TOR1B: variants seen among roughly 807,000 people sequenced by gnomAD.
TOR1B encodes torsin family 1 member B.
TOR1B carries 14 observed loss-of-function variants against 29.2 expected under a neutral mutation model. The observed-to-expected ratio is 0.48, with a 90% CI of 0.32 to 0.75. The LOEUF (loss-of-function observed/expected upper bound fraction) is 0.75. Among genes scored for constraint, TOR1B ranks in the 30% least tolerant of loss-of-function variants. The probability of loss-of-function intolerance (pLI) is 0.04; values close to 1 mark genes in which losing one functional copy is unlikely to be tolerated. For synonymous variants in TOR1B, 166 were observed against 179.8 expected, an observed-to-expected ratio of 0.92 and a Z score of 0.62; for missense variants, 400 against 433.9, an observed-to-expected ratio of 0.92 and a Z score of 0.69.
chr9:129,807,127 C>T lies in TOR1B; in HGVS notation c.466-61C>T, dbSNP rs1243787651. 8.7e-5 allele frequency: 135 copies of T among 1,550,830 alleles called. No individual in the cohort carries two copies. In the East Asian group the frequency reaches 1.8e-3, roughly 20 times the overall value. ...GTGCATGAGGAGCAGATGGAGCCTG[C>T]GCGCCTCTTGGTGCACCCTTTGAGC... On this transcript the variant is annotated intron_variant, in intron 2 of 4. Coordinates refer to ENST00000259339, the MANE Select transcript of TOR1B (RefSeq NM_014506.3).
chr9:129,807,213 G>A lies in TOR1B; in HGVS notation c.491G>A (p.Gly164Asp). The A allele has an allele frequency of 6.2e-7, 1 of 1,614,118 alleles. No homozygotes were observed. The highest frequency in any genetic ancestry group is 8.5e-7 in the Non-Finnish European group (1 of 1,180,030). ...YQDQLQKWIR[G>D]NVSACANSVF... is the part of the protein sequence containing the mutation. ...GACCAGTTACAGAAGTGGATCCGCG[G>A]TAATGTGAGTGCATGTGCGAACTCT... The change falls in exon 3 of 5, where the codon GGT becomes GAT. Residue 164 changes from glycine (G) to aspartate (D), a missense_variant. Transcript: ENST00000259339.
intron 2 of TOR1B, among the ~76,000 whole-genome samples, chr9:129,804,920 C>G (rs1219093560): frequency 6.7e-6 from 1 of 150,042 alleles, no homozygotes; most frequent in East Asian, 2.0e-4. Context: ...GGGCGGATCA[C>G]GAGGTCAGGA....
intron 2 of TOR1B, among the ~76,000 whole-genome samples, chr9:129,806,247 G>A (rs536138974): frequency 1.3e-4 from 20 of 152,290 alleles, no homozygotes; most frequent in African/African-American, 4.6e-4. Flanking sequence ...CTGCTAAAAA[G>A]GAAGGAAGGA....
intron 2 of TOR1B, among the ~76,000 whole-genome samples, chr9:129,804,778 C>G (rs2030373695): frequency 7.1e-6 from 1 of 141,358 alleles, no homozygotes; most frequent in Non-Finnish European, 1.5e-5. Context: ...AGGAGAATCG[C>G]TTGAACCTGG....
chr9:129,803,304 G>T lies in TOR1B; in HGVS notation c.92G>T (p.Gly31Val). The T allele has an allele frequency of 6.3e-7, 1 of 1,588,916 alleles. No homozygotes were observed. Among genetic ancestry groups the T allele is most frequent in the African/African-American group, 1.4e-5 (1 of 72,078 alleles). ...GCGGCGTTCGAGCCCATCACCGTGGGCCTAGCCATCGGGGCCGCGTCGGCC... is the reference window on the plus strand; with the variant it reads ...GCGGCGTTCGAGCCCATCACCGTGGTCCTAGCCATCGGGGCCGCGTCGGCC... The part of the protein sequence containing the change: ...VVAAFEPITV[G>V]LAIGAASAIT... Residue 31 changes from glycine to valine, a missense_variant, in exon 1 of 5, where the codon GGC becomes GTC. Coordinates refer to ENST00000259339, the MANE Select transcript of TOR1B (RefSeq NM_014506.3).
At position 129,808,963 on chromosome 9, in the gene TOR1B, A is replaced by G. The variant is rs1026673970; in HGVS notation, c.700A>G (p.Lys234Glu). The G allele has an allele frequency of 1.9e-6, 3 of 1,613,988 alleles. No individual in the cohort carries two copies. The highest frequency in any genetic ancestry group is 2.5e-6 in the Non-Finnish European group (3 of 1,180,022). ...TCTTGACTTTTGGCGGGCCGGAAGAAAGAGGGAAGACATTCAGCTGAAGGA... is the reference window on the plus strand; with the variant it reads ...TCTTGACTTTTGGCGGGCCGGAAGAGAGAGGGAAGACATTCAGCTGAAGGA... The part of the protein sequence containing the change: ...TALDFWRAGR[K>E]REDIQLKDLE... Residue 234 changes from lysine to glutamate, a missense_variant, in exon 4 of 5, where the codon AAG becomes GAG. Transcript: ENST00000259339.
chr9:129,803,254 G>C lies in TOR1B; in HGVS notation c.42G>C (p.Ala14=). 1 of 1,553,702 alleles carries C rather than the reference G, an allele frequency of 6.4e-7. No individual in the cohort carries two copies. The highest frequency in any genetic ancestry group is 8.6e-7 in the Non-Finnish European group (1 of 1,156,394). Residue 14 remains alanine (A), a synonymous_variant, in exon 1 of 5, where the codon GCG becomes GCC. Coordinates refer to ENST00000259339, the MANE Select transcript of TOR1B (RefSeq NM_014506.3). The stretch of plus-strand genomic sequence containing the variant: ...GGCTCCGGGGCGCGGCGGCGCTGGC[G>C]CTGCTGCTGGCGGCCCGAGTGGTGG... ...AGWLRGAAAL[A]LLLAARVVAA... is the part of the protein sequence containing the mutation.
Position 129,810,464 on chromosome 9 carries a change from G to A in TOR1B, c.*881G>A, listed in dbSNP as rs764154660. 4.4e-5 allele frequency: 51 copies of A among 1,158,228 alleles called. No homozygotes were observed. Among genetic ancestry groups the A allele is most frequent in the Non-Finnish European group, 3.9e-5 (36 of 917,636 alleles). The allele number at this position is 1,158,228 out of a possible 1,614,324, so 71.7% of individuals were successfully genotyped here. A position where few individuals can be genotyped will look rare whatever the true frequency, so the allele number is the denominator to read the frequency against. On this transcript the variant is annotated 3_prime_UTR_variant, in exon 5 of 5. Coordinates refer to ENST00000259339, the MANE Select transcript of TOR1B (RefSeq NM_014506.3). ...AGCCCTGGCTGTGGAATCCTTCACC[G>A]TCTCAGCTGGTATCAGCCCCAGCCT...
Position 129,809,893 on chromosome 9 carries a change from T to G in TOR1B, c.*310T>G. On this transcript the variant is annotated 3_prime_UTR_variant, in exon 5 of 5. Transcript: ENST00000259339. Reference sequence around the variant, plus strand: ...GGATATAGAATCTAAGAGTTGATTGTGGAAAACACGTGAATCTATTGCGCG... The same window carrying G: ...GGATATAGAATCTAAGAGTTGATTGGGGAAAACACGTGAATCTATTGCGCG... 7.9e-7 allele frequency: 1 copy of G among 1,258,210 alleles called. No homozygotes were observed. Among genetic ancestry groups the G allele is most frequent in the Non-Finnish European group, 1.0e-6 (1 of 989,038 alleles). The allele number at this position is 1,258,210 out of a possible 1,614,324, so 77.9% of individuals were successfully genotyped here. A position where few individuals can be genotyped will look rare whatever the true frequency, so the allele number is the denominator to read the frequency against.
chr9:129,810,071 C>T lies in TOR1B; in HGVS notation c.*488C>T. 4.0e-6 allele frequency: 5 copies of T among 1,249,012 alleles called. No individual in the cohort carries two copies. Among genetic ancestry groups the T allele is most frequent in the Non-Finnish European group, 5.2e-6 (5 of 956,106 alleles). 77.4% of individuals were successfully genotyped at this position (1,249,012 alleles called of 1,614,324 possible). On this transcript the variant is annotated 3_prime_UTR_variant, in exon 5 of 5. Transcript: ENST00000259339. The stretch of plus-strand genomic sequence containing the variant: ...AGGCCCGGCAATAGCTTCTGACCCA[C>T]AGCACCCGCGCCTCAGAAGCTACGG...
At chr9:129,807,134 C>T in intron 2 of TOR1B, 54 bp from the exon 3 acceptor site, 2 of 1,589,054 alleles carry the variant, frequency 1.3e-6, no homozygotes, top group Non-Finnish European at 8.6e-7. Flanking sequence ...CTGCGCGCCT[C>T]TTGGTGCACC....
chr9:129,807,600 C>T (rs1475629409), intron 3 of TOR1B, among the ~76,000 whole-genome samples: 1 of 152,136 alleles, frequency 6.6e-6, no homozygotes, highest in East Asian at 1.9e-4. Context: ...CACCTGTAAT[C>T]CCAGCACTTT....
At position 129,808,980 on chromosome 9, in the gene TOR1B, G is replaced by T. The variant is rs552926410; in HGVS notation, c.717G>T (p.Gln239His). 6.2e-6 allele frequency: 10 copies of T among 1,614,016 alleles called. No individual in the cohort carries two copies. The African/African-American group carries it at 1.2e-4, about 19-fold the overall frequency. The change falls in exon 4 of 5, where the codon CAG (glutamine) becomes CAT (histidine). Residue 239 changes from glutamine (Q) to histidine (H), a missense_variant. Physicochemically the swap from Gln to His is conservative, Grantham distance 24. Coordinates refer to ENST00000259339, the MANE Select transcript of TOR1B (RefSeq NM_014506.3). ...WRAGRKREDI[Q>H]LKDLEPVLSV... ...CCGGAAGAAAGAGGGAAGACATTCAGCTGAAGGACCTGGAACCTGTACTGT... is the reference window on the plus strand; with the variant it reads ...CCGGAAGAAAGAGGGAAGACATTCATCTGAAGGACCTGGAACCTGTACTGT...
rs2030840069 is a variant in TOR1B at position 129,811,063 on chromosome 9, AC to A, written c.*1481del. ...GACACAACAACGTGCAGCATTTTTTACATAAAAATATGGTAGAATTAATTTA... is the reference window on the plus strand; with the variant it reads ...GACACAACAACGTGCAGCATTTTTTAATAAAAATATGGTAGAATTAATTTA... On this transcript the variant is annotated 3_prime_UTR_variant, in exon 5 of 5. Transcript: ENST00000259339. 1 of 152,216 alleles carries A rather than the reference AC, an allele frequency of 6.6e-6. No homozygotes were observed. Among genetic ancestry groups the A allele is most frequent in the African/African-American group, 2.4e-5 (1 of 41,456 alleles). 9.4% of individuals were successfully genotyped at this position (152,216 alleles called of 1,614,324 possible). A position where few individuals can be genotyped will look rare whatever the true frequency, so the allele number is the denominator to read the frequency against.
At position 129,807,329 on chromosome 9, in the gene TOR1B, G is replaced by C; in HGVS notation, c.607G>C (p.Val203Leu). 6.2e-7 allele frequency: 1 copy of C among 1,614,198 alleles called. No individual in the cohort carries two copies. Among genetic ancestry groups the C allele is most frequent in the African/African-American group, 1.3e-5 (1 of 75,044 alleles). The change falls in exon 3 of 5, where the codon GTG (valine) becomes CTG (leucine). Residue 203 changes from valine (V) to leucine (L), a missense_variant. Val to Leu is a conservative substitution (Grantham distance 32, BLOSUM62 1). Coordinates refer to ENST00000259339, the MANE Select transcript of TOR1B (RefSeq NM_014506.3). ...AGACTACTACGAGCAGGTTGACGGA[G>C]TGTCTTACCGCAAAGCCATCTTCAT... Reference protein sequence around the residue: ...FLDYYEQVDGVSYRKAIFIFL... With the variant: ...FLDYYEQVDGLSYRKAIFIFL...
In TOR1B at chr9:129,804,588, C is replaced by G. The variant is rs972731397; in HGVS notation, c.465+250C>G. 5.0e-5 allele frequency: 24 copies of G among 476,102 alleles called. No individual in the cohort carries two copies. The Admixed American group carries it at 5.5e-4, about 11-fold the overall frequency. The allele number at this position is 476,102 out of a possible 1,614,324, so 29.5% of individuals were successfully genotyped here. On this transcript the variant is annotated intron_variant, in intron 2 of 4. Transcript: ENST00000259339. ...AGATGGGGAGCCAAGGGCCTGGCGC[C>G]GTGGCTCACGCCTGTAATCCCAGCA...
chr9:129,806,842 G>A (rs867606567), intron 2 of TOR1B, among the ~76,000 whole-genome samples: 12 of 152,258 alleles, frequency 7.9e-5, no homozygotes, highest in Middle Eastern at 3.4e-3. Flanking sequence ...CTGAGATCAC[G>A]CCACTACACA....
chr9:129,806,775 C>G (rs2030503147), intron 2 of TOR1B, among the ~76,000 whole-genome samples: 1 of 152,134 alleles, frequency 6.6e-6, no homozygotes, highest in Admixed American at 6.5e-5. Flanking sequence ...GTCCCAACTA[C>G]ACGGGGGGCT....
intron 3 of TOR1B, 60 bp from the exon 4 acceptor site, chr9:129,808,845 C>T: frequency 6.2e-7 from 1 of 1,601,418 alleles, no homozygotes; most frequent in Non-Finnish European, 8.5e-7. Context: ...AGCCACCACA[C>T]CCAGCAGACA....
Sources: allele counts gnomAD v4.1 joint callset (sites outside exome capture counted in the v4.1 genomes callset), GRCh38; gene constraint gnomAD v4.1.1; transcripts MANE v1.5; gene names NCBI Gene and HGNC (gene_info 2026-07-23, HGNC 2026-07-21).